Variants in FGD3 observed in about 807,000 individuals in gnomAD.
FGD3 encodes the protein FYVE, RhoGEF and PH domain-containing protein 3.
A neutral mutation model predicts 71.8 loss-of-function variants in FGD3; 45 were observed. The observed-to-expected ratio is 0.63, with a 90% CI of 0.49 to 0.80. The LOEUF is 0.80. Among genes scored for constraint, FGD3 ranks in the 30% least tolerant of loss-of-function variants. The pLI, the probability that FGD3 is intolerant of heterozygous loss-of-function variation, is 0.00. For missense variants in FGD3, 844 were observed against 951.5 expected, an observed-to-expected ratio of 0.89 and a Z score of 1.49; for synonymous variants, 378 against 392.8, an observed-to-expected ratio of 0.96 and a Z score of 0.44.
rs765986795 is a variant in FGD3 at position 92,975,284 on chromosome 9, T to A, written c.-171T>A. 3.3e-5 allele frequency: 5 copies of A among 152,146 alleles called. No individual in the cohort carries two copies. The highest frequency in any genetic ancestry group is 7.3e-5 in the Non-Finnish European group (5 of 68,114). The allele number at this position is 152,146 out of a possible 1,614,324, so 9.4% of individuals were successfully genotyped here. On this transcript the variant is annotated 5_prime_UTR_variant, in exon 2 of 18. Coordinates refer to ENST00000375482, the MANE Select transcript of FGD3 (RefSeq NM_001083536.2). ...TTGAACCTGCTGGGCAAGGAAGAGA[T>A]TTTCAAGGAAACCATCTACCGTGTG...
intron 3 of FGD3, 53 bp from the exon 4 acceptor site, chr9:93,002,872 C>T (rs1439524555): frequency 3.2e-6 from 5 of 1,580,368 alleles, no homozygotes; most frequent in Admixed American, 1.7e-5. Context: ...CGTTAGGTGC[C>T]GATTCCCCAA....
intron 3 of FGD3, among the ~76,000 whole-genome samples, chr9:92,999,064 C>T (rs1433356977): frequency 1.3e-5 from 2 of 152,180 alleles, no homozygotes; most frequent in Non-Finnish European, 2.9e-5. Context: ...ATGCCCTACC[C>T]CCAGAGGTGG....
chr9:92,950,709 C>T (rs1447087267), intron 1 of FGD3, among the ~76,000 whole-genome samples: 2 of 152,182 alleles, frequency 1.3e-5, no homozygotes, highest in African/African-American at 4.8e-5. Context: ...GTAGGGCCCT[C>T]ATGAACTGTG....
rs566826228 is a variant in FGD3 at position 93,004,597 on chromosome 9, A to AG, written c.680+463dup. 2.2e-4 allele frequency among the ~76,000 whole-genome samples: 33 copies of AG among 152,262 alleles called. 1 individual carries two copies. The East Asian group carries it at 4.8e-3, about 22-fold the overall frequency. On this transcript the variant is annotated intron_variant, in intron 5 of 17. Transcript: ENST00000375482. ...CACTGCTGCTTCTGTTCATTAGCAG[A>AG]GGGACAGCTCAGTGCAAGTCACAAT...
At chr9:92,961,930 G>A (rs1401405615) in intron 1 of FGD3, among the ~76,000 whole-genome samples, 1 of 152,216 alleles carries the variant, frequency 6.6e-6, no homozygotes. Flanking sequence ...GCCTGGCCTT[G>A]GAAGTCACCT....
chr9:92,990,860 G>A (rs962599263), intron 3 of FGD3, among the ~76,000 whole-genome samples: 1 of 152,146 alleles, frequency 6.6e-6, no homozygotes, highest in African/African-American at 2.4e-5. Flanking sequence ...TGTTCATCAG[G>A]GATATTGGCC....
intron 13 of FGD3, chr9:93,020,657 C>T: frequency 2.0e-6 from 1 of 496,304 alleles, no homozygotes; most frequent in South Asian, 2.1e-5. Flanking sequence ...CCACCCCCTA[C>T]AACCCCTGAG....
intron 9 of FGD3, among the ~76,000 whole-genome samples, chr9:93,014,718 T>C (rs1174699052): frequency 6.6e-6 from 1 of 152,174 alleles, no homozygotes; most frequent in Non-Finnish European, 1.5e-5. Context: ...CTCGGCTCAC[T>C]GTAACCTCCA....
chr9:92,970,888 G>T (rs1164075390), intron 1 of FGD3, among the ~76,000 whole-genome samples: 1 of 152,240 alleles, frequency 6.6e-6, no homozygotes, highest in African/African-American at 2.4e-5. Context: ...GCCTTTGGCC[G>T]CAGAGGGGCT....
Position 92,976,451 on chromosome 9 carries a change from GA to G in FGD3, c.196del (p.Ser66ValfsTer4), listed in dbSNP as rs1859757968. ...SPDIGPTGEL[S>X]GSLKIPNRDS... ...CAGACATAGGCCCCACGGGAGAGCTGAGTGGTAGCTTAAAGATCCCCAACCG... is the reference window on the plus strand; with the variant it reads ...CAGACATAGGCCCCACGGGAGAGCTGGTGGTAGCTTAAAGATCCCCAACCG... On this transcript the variant is annotated frameshift_variant, in exon 3 of 18. Coordinates refer to ENST00000375482, the MANE Select transcript of FGD3 (RefSeq NM_001083536.2). LOFTEE classifies it high-confidence loss of function. The G allele has an allele frequency of 3.7e-6, 6 of 1,611,768 alleles. No homozygotes were observed. Among genetic ancestry groups the G allele is most frequent in the Admixed American group, 1.7e-5 (1 of 59,728 alleles).
At chr9:93,010,411 A>C in intron 7 of FGD3, 27 bp downstream of exon 7, 1 of 1,590,068 alleles carries the variant, frequency 6.3e-7, no homozygotes, top group Non-Finnish European at 8.6e-7. Flanking sequence ...GGCTCCCAGG[A>C]GGGTGCAGGG....
intron 16 of FGD3, chr9:93,033,426 CCTT>C (rs1269168668): frequency 5.6e-6 from 1 of 179,284 alleles, no homozygotes; most frequent in East Asian, 1.5e-4. Context: ...TCCTCCTGCT[CCTT>C]CTCCTCCCCG....
At chr9:92,967,875 C>T (rs547444470) in intron 1 of FGD3, among the ~76,000 whole-genome samples, 1 of 152,288 alleles carries the variant, frequency 6.6e-6, no homozygotes, top group Non-Finnish European at 1.5e-5. Flanking sequence ...GCCCGGCCTC[C>T]TTCTGTTTAA....
chr9:93,013,810 C>T (rs1273615173), intron 8 of FGD3, 42 bp from the exon 9 acceptor site: 1 of 1,608,600 alleles, frequency 6.2e-7, no homozygotes, highest in African/African-American at 1.3e-5. Flanking sequence ...TCACCAGCCA[C>T]TCTCACAGAC....
In FGD3 at chr9:93,015,806, A is replaced by G; in HGVS notation, c.1252A>G (p.Lys418Glu). Residue 418 changes from lysine to glutamate, a missense_variant, in exon 10 of 18, where the codon AAG becomes GAG. Physicochemically the swap from Lys to Glu is moderately conservative, Grantham distance 56. Transcript: ENST00000375482. ...GGGCCAGAAGTTCAGCGTCCGGGAG[A>G]AGATGGACATCTCAGGCCTCCAGGT... ...LMGQKFSVRE[K>E]MDISGLQVQD... 1 of 1,614,028 alleles carries G rather than the reference A, an allele frequency of 6.2e-7. No individual in the cohort carries two copies. The highest frequency in any genetic ancestry group is 8.5e-7 in the Non-Finnish European group (1 of 1,180,002).
At chr9:92,995,787 G>T (rs1159292100) in intron 3 of FGD3, among the ~76,000 whole-genome samples, 2 of 152,090 alleles carry the variant, frequency 1.3e-5, no homozygotes, top group Non-Finnish European at 2.9e-5. Context: ...TTATTGATTT[G>T]TGTATGTTGA....
intron 7 of FGD3, 135 bp downstream of exon 7, chr9:93,010,519 G>GAGAC (rs1861279316): frequency 1.0e-5 from 9 of 868,072 alleles, no homozygotes; most frequent in African/African-American, 1.7e-5. Context: ...CAGAGGGAAA[G>GAGAC]AGACAGAGAC....
intron 9 of FGD3, among the ~76,000 whole-genome samples, chr9:93,015,320 G>T (rs1408466663): frequency 6.6e-6 from 1 of 152,066 alleles, no homozygotes; most frequent in South Asian, 2.1e-4. Flanking sequence ...GCTGGGCGTG[G>T]TAGCACCCGC....
chr9:93,010,426 C>G (rs760715181), intron 7 of FGD3, 42 bp downstream of exon 7: 14 of 1,558,876 alleles, frequency 9.0e-6, no homozygotes, highest in Non-Finnish European at 1.1e-5. Context: ...GCAGGGGCAC[C>G]TGCCAAGAAC....
Sources: allele counts gnomAD v4.1 joint callset (sites outside exome capture counted in the v4.1 genomes callset), GRCh38; gene constraint gnomAD v4.1.1; transcripts MANE v1.5; gene names NCBI Gene and HGNC (gene_info 2026-07-23, HGNC 2026-07-21).